Variants in ESR1 observed in about 807,000 individuals in gnomAD.
The protein encoded by ESR1 is estrogen receptor.
ESR1 carries 12 observed loss-of-function variants against 52.7 expected under a neutral mutation model. The ratio of observed to expected loss-of-function variants is 0.23; its 90% CI spans 0.15 to 0.37. The LOEUF (loss-of-function observed/expected upper bound fraction) is 0.37. Among genes scored for constraint, ESR1 ranks in the 10% least tolerant of loss-of-function variants. ESR1 has a pLI of 1.00. For synonymous variants in ESR1, 305 were observed against 316.8 expected, an observed-to-expected ratio of 0.96 and a Z score of 0.39; for missense variants, 584 against 779.7, an observed-to-expected ratio of 0.75 and a Z score of 2.99.
intron 7 of ESR1, among the ~76,000 whole-genome samples, chr6:152,095,330 G>A (rs2152498485): frequency 6.6e-6 from 1 of 152,288 alleles, no homozygotes; most frequent in East Asian, 1.9e-4. Flanking sequence ...AGCCATAATA[G>A]CTGACTGTTG....
Position 152,101,396 on chromosome 6 carries a change from G to T in ESR1, c.*2430G>T, listed in dbSNP as rs2050960443. ...AAATAAAACAAAAAAAAATTTCTAGGACTAGACGATGTAATACCAGCTAAA... is the reference window on the plus strand; with the variant it reads ...AAATAAAACAAAAAAAAATTTCTAGTACTAGACGATGTAATACCAGCTAAA... On this transcript the variant is annotated 3_prime_UTR_variant, in exon 8 of 8. Coordinates refer to ENST00000206249, the MANE Select transcript of ESR1 (RefSeq NM_000125.4). The T allele has an allele frequency of 4.3e-6, 1 of 232,686 alleles. No homozygotes were observed. Among genetic ancestry groups the T allele is most frequent in the Non-Finnish European group, 8.5e-6 (1 of 117,662 alleles). The allele number at this position is 232,686 out of a possible 1,614,324, so 14.4% of individuals were successfully genotyped here.
intron 2 of ESR1, among the ~76,000 whole-genome samples, chr6:151,730,990 C>T (rs981862360): frequency 6.6e-6 from 1 of 152,160 alleles, no homozygotes; most frequent in Non-Finnish European, 1.5e-5. Context: ...CCTGTGTCAC[C>T]TAAGAGTGAG....
chr6:151,975,180 G>C (rs753547851), intron 4 of ESR1, among the ~76,000 whole-genome samples: 18 of 152,106 alleles, frequency 1.2e-4, no homozygotes, highest in Non-Finnish European at 2.2e-4. Context: ...CTGGCCACTG[G>C]CCACATGTTA....
At chr6:151,924,477 G>A (rs2032322425) in intron 3 of ESR1, among the ~76,000 whole-genome samples, 2 of 151,706 alleles carry the variant, frequency 1.3e-5, no homozygotes, top group Admixed American at 1.3e-4. Context: ...ATGTACATTT[G>A]TTAATACAGG....
intron 2 of ESR1, among the ~76,000 whole-genome samples, chr6:151,734,471 A>T (rs2982560): frequency 0.48 from 73,437 of 151,928 alleles, 19,211 homozygotes; most frequent in Non-Finnish European, 0.58. Context: ...CCCAGCATCT[A>T]GCTGACAAAG....
At chr6:151,917,638 G>T (rs2030583105) in intron 3 of ESR1, among the ~76,000 whole-genome samples, 1 of 152,140 alleles carries the variant, frequency 6.6e-6, no homozygotes, top group African/African-American at 2.4e-5. Flanking sequence ...AAGTTAGCAT[G>T]ATTTGACATG....
intron 5 of ESR1, among the ~76,000 whole-genome samples, chr6:152,050,712 G>A (rs2128925777): frequency 6.6e-6 from 1 of 152,310 alleles, no homozygotes; most frequent in African/African-American, 2.4e-5. Context: ...CTTCTGGTGA[G>A]ATCATCAATC....
intron 6 of ESR1, chr6:152,122,079 GGGAAAGC>G: frequency 1.7e-5 from 6 of 354,272 alleles, no homozygotes; most frequent in East Asian, 6.7e-5. Flanking sequence ...GCAGCACCAT[GGGAAAGC>G]TGCCCAGATG....
At chr6:151,694,506 G>C (rs1271243537) in intron 1 of ESR1, among the ~76,000 whole-genome samples, 1 of 152,066 alleles carries the variant, frequency 6.6e-6, no homozygotes, top group Non-Finnish European at 1.5e-5. Flanking sequence ...TGCAAGTTGT[G>C]GCCGGGATTG....
intron 6 of ESR1, chr6:152,122,334 G>C: frequency 6.3e-7 from 1 of 1,596,752 alleles, no homozygotes; most frequent in Non-Finnish European, 8.6e-7. Context: ...CCACACCGAG[G>C]GCTTTCGCCA....
intron 2 of ESR1, among the ~76,000 whole-genome samples, chr6:151,733,545 C>A (rs1782416975): frequency 6.6e-6 from 1 of 152,156 alleles, no homozygotes; most frequent in Non-Finnish European, 1.5e-5. Flanking sequence ...GGGTCAGGCA[C>A]ACTTCACATA....
At chr6:151,792,114 G>A (rs957260086) in intron 2 of ESR1, among the ~76,000 whole-genome samples, 5 of 152,028 alleles carry the variant, frequency 3.3e-5, no homozygotes, top group South Asian at 2.1e-4. Context: ...TGAATACTGC[G>A]GCAACTATAA....
At chr6:151,720,377 C>T (rs1484356116) in intron 2 of ESR1, among the ~76,000 whole-genome samples, 3 of 152,194 alleles carry the variant, frequency 2.0e-5, no homozygotes, top group African/African-American at 7.2e-5. Context: ...GCTTTGCTCT[C>T]ACTCCATGTT....
In ESR1 at chr6:152,100,176, C is replaced by A. The variant is rs1200617379; in HGVS notation, c.*1210C>A. ...GGTGCCCTGGGATCCCTGGGGTAGT[C>A]CAGCTCTTCTTCATTTCCCAGCGTG... On this transcript the variant is annotated 3_prime_UTR_variant, in exon 8 of 8. Coordinates refer to ENST00000206249, the MANE Select transcript of ESR1 (RefSeq NM_000125.4). 32 of 398,108 alleles carry A rather than the reference C, an allele frequency of 8.0e-5. No individual in the cohort carries two copies. Among genetic ancestry groups the A allele is most frequent in the Admixed American group, 2.6e-4 (6 of 22,730 alleles). 24.7% of individuals were successfully genotyped at this position (398,108 alleles called of 1,614,324 possible). A position where few individuals can be genotyped will look rare whatever the true frequency, so the allele number is the denominator to read the frequency against.
chr6:152,065,422 G>C (rs1348005442), intron 6 of ESR1, among the ~76,000 whole-genome samples: 2 of 152,154 alleles, frequency 1.3e-5, no homozygotes, highest in African/African-American at 2.4e-5. Context: ...CCCTTTCAGT[G>C]AAAGTTCCTC....
At chr6:151,809,779 A>G (rs1470604634) in intron 1 of ESR1, among the ~76,000 whole-genome samples, 1 of 152,180 alleles carries the variant, frequency 6.6e-6, no homozygotes, top group South Asian at 2.1e-4. Flanking sequence ...CAAACAATGA[A>G]CAAAACTTTT....
chr6:151,800,672 G>A (rs1031360746), upstream of ESR1, among the ~76,000 whole-genome samples: 4 of 152,124 alleles, frequency 2.6e-5, no homozygotes, highest in South Asian at 8.3e-4. Flanking sequence ...CCAGTCTATG[G>A]TATTTTGTTA....
intron 1 of ESR1, among the ~76,000 whole-genome samples, chr6:151,696,974 T>C (rs900560182): frequency 6.6e-6 from 1 of 151,974 alleles, no homozygotes; most frequent in African/African-American, 2.4e-5. Context: ...GGGGAGGTGG[T>C]TTTGGGAAAC....
At chr6:151,928,213 T>C (rs1278618779) in intron 3 of ESR1, among the ~76,000 whole-genome samples, 2 of 152,198 alleles carry the variant, frequency 1.3e-5, no homozygotes, top group Admixed American at 6.5e-5. Flanking sequence ...TTTGAAAATA[T>C]CATAAGTCTT....
Sources: gnomAD v4.1 joint callset for allele counts (sites outside exome capture counted in the v4.1 genomes callset) on GRCh38, gnomAD v4.1.1 for gene constraint, MANE v1.5 for transcripts, NCBI Gene and HGNC (gene_info 2026-07-23, HGNC 2026-07-21) for gene names.